BRINP3: variants seen among roughly 807,000 people sequenced by gnomAD.
BRINP3 encodes the protein BMP/retinoic acid-inducible neural-specific protein 3.
BRINP3 carries 19 observed loss-of-function variants against 71.0 expected under a neutral mutation model. The observed-to-expected ratio is 0.27, with a 90% CI of 0.19 to 0.39. The LOEUF (loss-of-function observed/expected upper bound fraction) is 0.39, where lower values mean the gene tolerates loss of function less well. BRINP3 is among the 10% of genes least tolerant of loss of function. The probability of loss-of-function intolerance (pLI) is 1.00; values close to 1 mark genes in which losing one functional copy is unlikely to be tolerated. For missense variants in BRINP3, 959 were observed against 940.8 expected (o/e 1.02, Z -0.25); for synonymous variants, 380 against 337.7 (o/e 1.13, Z -1.37).
At chr1:190,404,351 A>C (rs958248939) in intron 2 of BRINP3, among the ~76,000 whole-genome samples, 2 of 152,142 alleles carry the variant, frequency 1.3e-5, no homozygotes, top group Non-Finnish European at 1.5e-5. Flanking sequence ...AAAAATATAT[A>C]CTTTATATAA....
chr1:190,299,481 G>T (rs1231477516), intron 2 of BRINP3, among the ~76,000 whole-genome samples: 6 of 151,252 alleles, frequency 4.0e-5, no homozygotes, highest in African/African-American at 1.2e-4. Flanking sequence ...TGTGCACAAT[G>T]TGCAGGTTAG....
intron 6 of BRINP3, among the ~76,000 whole-genome samples, chr1:190,196,881 C>T (rs909864276): frequency 6.6e-6 from 1 of 150,692 alleles, no homozygotes; most frequent in Non-Finnish European, 1.5e-5. Flanking sequence ...TTCAAACCAA[C>T]CAAATAAGGG....
chr1:190,357,886 C>G (rs986949908), intron 2 of BRINP3, among the ~76,000 whole-genome samples: 14 of 151,868 alleles, frequency 9.2e-5, no homozygotes, highest in African/African-American at 3.4e-4. Context: ...CTTTGACAAA[C>G]CTGACAAAAA....
At chr1:190,311,196 G>A (rs1022817325) in intron 2 of BRINP3, among the ~76,000 whole-genome samples, 10 of 151,754 alleles carry the variant, frequency 6.6e-5, no homozygotes, top group African/African-American at 2.2e-4. Context: ...GTTTGAAAAA[G>A]TAGAACATTT....
chr1:190,171,323 A>G (rs1651991568), intron 6 of BRINP3, among the ~76,000 whole-genome samples: 1 of 152,166 alleles, frequency 6.6e-6, no homozygotes, highest in Non-Finnish European at 1.5e-5. Context: ...TGGAGAGAGA[A>G]TTGGTGGAAA....
chr1:190,464,137 G>GT (rs35934189), intron 1 of BRINP3, among the ~76,000 whole-genome samples: 27,622 of 147,264 alleles, frequency 0.19, 2,642 homozygotes, highest in South Asian at 0.24. Flanking sequence ...TTCAAAAAGT[G>GT]TTTTTTTTTA....
intron 2 of BRINP3, among the ~76,000 whole-genome samples, chr1:190,331,552 T>C (rs938915035): frequency 1.3e-5 from 2 of 152,062 alleles, no homozygotes; most frequent in Non-Finnish European, 2.9e-5. Flanking sequence ...TAATTATTTG[T>C]AGTACGAGGT....
intron 7 of BRINP3, among the ~76,000 whole-genome samples, chr1:190,119,803 G>T (rs576990327): frequency 5.9e-5 from 9 of 152,276 alleles, no homozygotes; most frequent in African/African-American, 1.9e-4. Flanking sequence ...TAAGCTGGGA[G>T]TCCCAGATTC....
chr1:190,201,081 A>G (rs994787090), intron 6 of BRINP3, among the ~76,000 whole-genome samples: 1 of 152,122 alleles, frequency 6.6e-6, no homozygotes, highest in Non-Finnish European at 1.5e-5. Context: ...GCTCAGAAAA[A>G]GACAGAAAAA....
At chr1:190,406,507 T>C (rs894387188) in intron 2 of BRINP3, among the ~76,000 whole-genome samples, 5 of 152,198 alleles carry the variant, frequency 3.3e-5, no homozygotes, top group African/African-American at 9.6e-5. Flanking sequence ...ATAGAGTACA[T>C]TTTAGTTTGA....
At chr1:190,196,438 T>C (rs1654485940) in intron 6 of BRINP3, among the ~76,000 whole-genome samples, 1 of 152,166 alleles carries the variant, frequency 6.6e-6, no homozygotes, top group Non-Finnish European at 1.5e-5. Context: ...ATCTGTAGTA[T>C]ACATTTTTCC....
chr1:190,274,828 C>G (rs1558134381), intron 3 of BRINP3, among the ~76,000 whole-genome samples: 1 of 151,194 alleles, frequency 6.6e-6, no homozygotes, highest in Non-Finnish European at 1.5e-5. Context: ...AATAGATATA[C>G]ATAAGAAGAA....
intron 2 of BRINP3, among the ~76,000 whole-genome samples, chr1:190,320,416 A>T (rs2103048840): frequency 6.6e-6 from 1 of 152,272 alleles, no homozygotes; most frequent in African/African-American, 2.4e-5. Flanking sequence ...AAAGCAAACA[A>T]TTACTAATAG....
chr1:190,462,749 T>C (rs1374398994), intron 1 of BRINP3, among the ~76,000 whole-genome samples: 2 of 152,108 alleles, frequency 1.3e-5, no homozygotes, highest in Non-Finnish European at 2.9e-5. Context: ...TCAAACTGAA[T>C]ACTATAGTTT....
intron 2 of BRINP3, among the ~76,000 whole-genome samples, chr1:190,364,536 T>C (rs1669361723): frequency 6.6e-6 from 1 of 151,998 alleles, no homozygotes; most frequent in Non-Finnish European, 1.5e-5. Context: ...AGTCTTGCCC[T>C]ATGAAAATAT....
chr1:190,370,637 C>G (rs553299085), intron 2 of BRINP3, among the ~76,000 whole-genome samples: 2 of 152,140 alleles, frequency 1.3e-5, no homozygotes, highest in African/African-American at 4.8e-5. Flanking sequence ...GGATATTTGG[C>G]GGCAGTGGGA....
At chr1:190,352,809 T>C (rs1010519713) in intron 2 of BRINP3, among the ~76,000 whole-genome samples, 4 of 151,600 alleles carry the variant, frequency 2.6e-5, no homozygotes, top group Non-Finnish European at 5.9e-5. Flanking sequence ...CCATAATTTT[T>C]CTTTCAGAGT....
In BRINP3 at chr1:190,117,282, G is replaced by T. The variant is rs557630771; in HGVS notation, c.1185-18148C>A. On this transcript the variant is annotated intron_variant, in intron 7 of 7. Transcript: ENST00000367462. ...GAAATGTGCACATAACAATACATAAGATTTATAAGTATTTATTAACTTCCT... is the reference window on the plus strand; with the variant it reads ...GAAATGTGCACATAACAATACATAATATTTATAAGTATTTATTAACTTCCT... Among the ~76,000 whole-genome samples, 5 of 151,960 alleles carry T rather than the reference G, an allele frequency of 3.3e-5. No individual in the cohort carries two copies. The East Asian group carries it at 9.7e-4, about 29-fold the overall frequency.
chr1:190,116,878 A>T (rs1653180001), intron 7 of BRINP3, among the ~76,000 whole-genome samples: 1 of 152,112 alleles, frequency 6.6e-6, no homozygotes, highest in Non-Finnish European at 1.5e-5. Flanking sequence ...AACAAATTCA[A>T]TTTTTTTACA....
Sources: gnomAD v4.1 joint callset for allele counts (sites outside exome capture counted in the v4.1 genomes callset) on GRCh38, gnomAD v4.1.1 for gene constraint, MANE v1.5 for transcripts, NCBI Gene and HGNC (gene_info 2026-07-23, HGNC 2026-07-21) for gene names.